CLEC12A: variants seen among roughly 807,000 people sequenced by gnomAD.
CLEC12A encodes C-type lectin protein CLL-1.
A neutral mutation model predicts 26.5 loss-of-function variants in CLEC12A; 22 were observed. The observed-to-expected ratio is 0.83, with a 90% confidence interval of 0.59 to 1.19. The LOEUF (loss-of-function observed/expected upper bound fraction) is 1.19. Ranked by LOEUF, CLEC12A falls within the 50% of genes most tolerant of loss-of-function variation. CLEC12A has a pLI of 0.00. For synonymous variants in CLEC12A, 119 were observed against 101.9 expected (o/e 1.17, Z -1.01); for missense variants, 353 against 315.6 (o/e 1.12, Z -0.90).
downstream of CLEC12A, chr12:9,998,366 A>C: frequency 5.6e-6 from 9 of 1,613,820 alleles, no homozygotes; most frequent in Non-Finnish European, 6.8e-6. Flanking sequence ...CACCAGGAGG[A>C]GGATGCAGAG....
intron 1 of CLEC12A, among the ~76,000 whole-genome samples, chr12:9,955,469 A>G (rs1371895884): frequency 1.3e-5 from 2 of 152,194 alleles, no homozygotes; most frequent in South Asian, 4.1e-4. Context: ...AATAGCTTTG[A>G]TATCTCTTTT....
the CLEC12A span, among the ~76,000 whole-genome samples, chr12:10,004,142 T>C: frequency 9.0e-3 from 1,367 of 152,262 alleles, 15 homozygotes; most frequent in South Asian, 0.026. Context: ...CACTTTGGGC[T>C]GTGGCCCCAC....
chr12:9,980,549 C>G, intron 3 of CLEC12A, 33 bp from the exon 4 acceptor site: 1 of 1,598,452 alleles, frequency 6.3e-7, no homozygotes, highest in Non-Finnish European at 8.5e-7. Flanking sequence ...TGACTATCAA[C>G]AAAACCCAAA....
chr12:9,964,614 G>A (rs1002645143), intron 1 of CLEC12A, among the ~76,000 whole-genome samples: 13 of 152,126 alleles, frequency 8.5e-5, no homozygotes, highest in African/African-American at 2.9e-4. Flanking sequence ...GCAAATCCTC[G>A]AGCTTGATGT....
upstream of CLEC12A, among the ~76,000 whole-genome samples, chr12:9,969,781 G>A (rs1864061135): frequency 2.6e-5 from 4 of 152,020 alleles, no homozygotes; most frequent in Admixed American, 2.6e-4. Context: ...AAAAATAGAG[G>A]GCTACTCTTT....
chr12:9,960,665 C>G (rs770928564), intron 1 of CLEC12A, among the ~76,000 whole-genome samples: 5 of 152,146 alleles, frequency 3.3e-5, no homozygotes, highest in Non-Finnish European at 7.3e-5. Context: ...AAACCGGCCC[C>G]GTTATCTTAT....
chr12:9,995,392 A>G (rs1865016937), exon 5 of CLEC12A: 1 of 736,078 alleles, frequency 1.4e-6, no homozygotes, highest in East Asian at 2.7e-5. Context: ...GATGTTTGAA[A>G]TTGTACCAAT....
chr12:9,960,329 G>A (rs74065424), intron 1 of CLEC12A, among the ~76,000 whole-genome samples: 3,924 of 152,274 alleles, frequency 0.026, 162 homozygotes, highest in African/African-American at 0.088. Context: ...TCACATATAA[G>A]ATATAATGAA....
At chr12:10,004,082 C>T in the CLEC12A span, among the ~76,000 whole-genome samples, 1 of 152,106 alleles carries the variant, frequency 6.6e-6, no homozygotes, top group Non-Finnish European at 1.5e-5. Context: ...GCTCAAATCC[C>T]TTGTGGGAGG....
chr12:9,999,900 G>C (rs1865135314), downstream of CLEC12A, among the ~76,000 whole-genome samples: 1 of 152,186 alleles, frequency 6.6e-6, no homozygotes, highest in South Asian at 2.1e-4. Context: ...ATTTGAGACT[G>C]AATGGTTCCT....
At chr12:9,999,476 T>G (rs953715231), downstream of CLEC12A, among the ~76,000 whole-genome samples, 2 of 152,182 alleles carry the variant, frequency 1.3e-5, no homozygotes, top group Non-Finnish European at 2.9e-5. Flanking sequence ...CTAAATTACA[T>G]TGCTCAAATG....
At chr12:9,970,841 C>T (rs1303339494), upstream of CLEC12A, among the ~76,000 whole-genome samples, 1 of 152,078 alleles carries the variant, frequency 6.6e-6, no homozygotes, top group South Asian at 2.1e-4. Flanking sequence ...TATAGGTTGG[C>T]GCTAAAGTAA....
rs190775483 is a variant in CLEC12A at position 9,963,524 on chromosome 12, G to A, written c.11-8053G>A. 1.6e-3 allele frequency among the ~76,000 whole-genome samples: 246 copies of A among 151,432 alleles called. 3 individuals are homozygous for A. Among genetic ancestry groups the A allele is most frequent in the African/African-American group, 5.4e-3 (225 of 41,396 alleles). ...TTGAAATGCCTCCTATTCCAGTACC[G>A]AGAGCAATAGTGGAGGCAGAAAGTC... On this transcript the variant is annotated intron_variant, in intron 1 of 6. Transcript: ENST00000355690.
intron 4 of CLEC12A, among the ~76,000 whole-genome samples, chr12:9,994,833 G>GCA (rs34982294): frequency 0.23 from 35,267 of 150,808 alleles, 4,752 homozygotes; most frequent in East Asian, 0.45. Context: ...GTGCATGCGC[G>GCA]CACACACACA....
chr12:9,972,408 C>A (rs1394012413), intron 1 of CLEC12A, among the ~76,000 whole-genome samples: 3 of 152,014 alleles, frequency 2.0e-5, no homozygotes, highest in Non-Finnish European at 4.4e-5. Context: ...CTTCATCTTA[C>A]TCAGAATCCT....
chr12:9,953,814 T>A (rs1863692722), intron 1 of CLEC12A, among the ~76,000 whole-genome samples: 1 of 152,164 alleles, frequency 6.6e-6, no homozygotes, highest in South Asian at 2.1e-4. Context: ...GGTTGCCGTG[T>A]CTGTGTAGAA....
chr12:9,973,164 A>T (rs563181256), intron 1 of CLEC12A, among the ~76,000 whole-genome samples: 1 of 152,262 alleles, frequency 6.6e-6, no homozygotes, highest in Admixed American at 6.5e-5. Context: ...ATTTTTCCTT[A>T]AAAACTCCAG....
downstream of CLEC12A, among the ~76,000 whole-genome samples, chr12:9,988,291 G>C (rs1044947548): frequency 1.3e-5 from 2 of 152,270 alleles, no homozygotes; most frequent in Non-Finnish European, 2.9e-5. Flanking sequence ...TACCATTCAG[G>C]ACACAGGCAT....
Position 9,978,980 on chromosome 12 carries a change from T to C in CLEC12A, c.106T>C (p.Ser36Pro). ...KFGEKAPPAP[S>P]HVWRPAALFL... ...GCTTTCCACAGCACCTCCAGCTCCC[T>C]CTCATGTATGGCGTCCAGCAGCCTT... The change falls in exon 2 of 6, where the codon TCT becomes CCT. Residue 36 changes from serine (S) to proline (P), a missense_variant. Ser to Pro is a moderately conservative substitution (Grantham distance 74). Transcript: ENST00000304361. 6.2e-7 allele frequency: 1 copy of C among 1,613,868 alleles called. No individual in the cohort carries two copies. Among genetic ancestry groups the C allele is most frequent in the East Asian group, 2.2e-5 (1 of 44,878 alleles).
Sources: allele counts gnomAD v4.1 joint callset (sites outside exome capture counted in the v4.1 genomes callset), GRCh38; gene constraint gnomAD v4.1.1; transcripts MANE v1.5; gene names NCBI Gene and HGNC (gene_info 2026-07-23, HGNC 2026-07-21).